Variants in ATG7 observed in about 807,000 individuals in gnomAD.
ATG7 encodes autophagy related 7, also known as ubiquitin-like modifier-activating enzyme ATG7.
ATG7 carries 70 observed loss-of-function variants against 82.4 expected under a neutral mutation model. The observed-to-expected ratio is 0.85, with a 90% CI of 0.70 to 1.04. The LOEUF is 1.04. Among genes scored for constraint, ATG7 ranks in the 50% least tolerant of loss-of-function variants. The probability of loss-of-function intolerance (pLI) is 0.00; values close to 1 mark genes in which losing one functional copy is unlikely to be tolerated. For synonymous variants in ATG7, 287 were observed against 313.0 expected (o/e 0.92, Z 0.88); for missense variants, 792 against 864.3 (o/e 0.92, Z 1.05).
chr3:11,332,391 A>T (rs533116629), intron 10 of ATG7, among the ~76,000 whole-genome samples: 1 of 152,362 alleles, frequency 6.6e-6, no homozygotes, highest in South Asian at 2.1e-4. Flanking sequence ...GACTGAGAGA[A>T]GGCATAAGAC....
At chr3:11,367,672 A>C (rs1219469512) in intron 18 of ATG7, among the ~76,000 whole-genome samples, 1 of 152,132 alleles carries the variant, frequency 6.6e-6, no homozygotes, top group Non-Finnish European at 1.5e-5. Context: ...TAGGCCCTGA[A>C]ATTCAGTGAA....
chr3:11,488,382 G>A (rs1356651757), intron 20 of ATG7: 53 of 1,122,474 alleles, frequency 4.7e-5, no homozygotes, highest in South Asian at 3.5e-4. Flanking sequence ...CGGCGGCAAA[G>A]ACTGAGACAG....
At chr3:11,407,760 C>T (rs2080486291) in intron 19 of ATG7, among the ~76,000 whole-genome samples, 1 of 152,204 alleles carries the variant, frequency 6.6e-6, no homozygotes, top group South Asian at 2.1e-4. Context: ...TCTGTGTTGG[C>T]CCCTTTCAGC....
intron 7 of ATG7, among the ~76,000 whole-genome samples, chr3:11,312,434 C>G (rs570027526): frequency 3.3e-5 from 5 of 152,306 alleles, no homozygotes; most frequent in African/African-American, 1.2e-4. Flanking sequence ...CAAATCCTTT[C>G]CCCTGGATCT....
chr3:11,329,227 G>C (rs1034952734), intron 9 of ATG7, among the ~76,000 whole-genome samples: 1 of 152,184 alleles, frequency 6.6e-6, no homozygotes, highest in Non-Finnish European at 1.5e-5. Flanking sequence ...GATGTTAATA[G>C]TTCTCTCAGG....
intron 20 of ATG7, among the ~76,000 whole-genome samples, chr3:11,471,204 C>T (rs947641766): frequency 1.1e-4 from 16 of 152,118 alleles, no homozygotes; most frequent in Admixed American, 8.5e-4. Flanking sequence ...AGAATGAGAT[C>T]AGCTCTTCAG....
intron 19 of ATG7, among the ~76,000 whole-genome samples, chr3:11,398,923 C>T (rs1056698875): frequency 7.2e-5 from 11 of 152,136 alleles, no homozygotes; most frequent in Non-Finnish European, 1.5e-4. Context: ...GTAAAAGCAA[C>T]ACAATAAATG....
chr3:11,338,514 CT>C (rs1426471656), intron 11 of ATG7, among the ~76,000 whole-genome samples: 1 of 151,986 alleles, frequency 6.6e-6, no homozygotes, highest in East Asian at 1.9e-4. Context: ...GTCTTAACCT[CT>C]TTATGAAACT....
chr3:11,303,593 G>A (rs1429658326), intron 5 of ATG7, among the ~76,000 whole-genome samples: 1 of 151,708 alleles, frequency 6.6e-6, no homozygotes, highest in Non-Finnish European at 1.5e-5. Flanking sequence ...GTGTGAACCC[G>A]GGAGGCGGAG....
intron 3 of ATG7, among the ~76,000 whole-genome samples, chr3:11,296,146 C>G (rs1233633602): frequency 6.6e-6 from 1 of 152,208 alleles, no homozygotes; most frequent in Non-Finnish European, 1.5e-5. Context: ...CTTTTTCTTT[C>G]TCTGAGTAAC....
At chr3:11,326,409 C>T (rs1320418947) in intron 9 of ATG7, among the ~76,000 whole-genome samples, 1 of 152,112 alleles carries the variant, frequency 6.6e-6, no homozygotes, top group African/African-American at 2.4e-5. Context: ...CACCATTCTC[C>T]TGCCTCAGTC....
At chr3:11,476,692 ATTC>A in intron 20 of ATG7, among the ~76,000 whole-genome samples, 1 of 152,236 alleles carries the variant, frequency 6.6e-6, no homozygotes. Context: ...TTAGCCGAGT[ATTC>A]TTGTCCAAAA....
chr3:11,552,053 T>G (rs1171624720), intron 20 of ATG7, among the ~76,000 whole-genome samples: 2 of 152,252 alleles, frequency 1.3e-5, no homozygotes, highest in Non-Finnish European at 2.9e-5. Context: ...CCGGCCTCTT[T>G]CATTCTGTTT....
At chr3:11,340,543 G>T in intron 11 of ATG7, 102 bp from the exon 12 acceptor site, 1 of 983,690 alleles carries the variant, frequency 1.0e-6, no homozygotes, top group Non-Finnish European at 1.5e-6. Context: ...TCAATGCATG[G>T]GCCATTATGA....
intron 20 of ATG7, among the ~76,000 whole-genome samples, chr3:11,447,917 G>A (rs2084734458): frequency 6.6e-6 from 1 of 152,156 alleles, no homozygotes; most frequent in Admixed American, 6.5e-5. Flanking sequence ...CAGATGGATG[G>A]GTGTTGGGCA....
intron 17 of ATG7, among the ~76,000 whole-genome samples, chr3:11,363,749 C>T (rs2076422404): frequency 6.6e-6 from 1 of 152,154 alleles, no homozygotes; most frequent in African/African-American, 2.4e-5. Flanking sequence ...ATACAGGCAG[C>T]AGAAAATCGA....
At chr3:11,559,632 G>A (rs573468677), downstream of ATG7, among the ~76,000 whole-genome samples, 17 of 152,336 alleles carry the variant, frequency 1.1e-4, no homozygotes, top group African/African-American at 3.6e-4. Context: ...CAGAGTGAGC[G>A]CAGCTCCAAG....
At chr3:11,531,587 T>C (rs1394605152) in intron 20 of ATG7, among the ~76,000 whole-genome samples, 1 of 152,176 alleles carries the variant, frequency 6.6e-6, no homozygotes. Context: ...ATAAAAATGG[T>C]CTAGGCCAGG....
intron 20 of ATG7, among the ~76,000 whole-genome samples, chr3:11,478,993 C>CACAAAA (rs1553688604): frequency 9.4e-6 from 1 of 106,208 alleles, no homozygotes. Context: ...ATTTACAACA[C>CACAAAA]ACACACACAC....
Sources: allele counts gnomAD v4.1 joint callset (sites outside exome capture counted in the v4.1 genomes callset), GRCh38; gene constraint gnomAD v4.1.1; transcripts MANE v1.5; gene names NCBI Gene and HGNC (gene_info 2026-07-23, HGNC 2026-07-21).